THADA: variants seen among roughly 807,000 people sequenced by gnomAD.
The protein encoded by THADA is tRNA (32-2'-O)-methyltransferase regulator THADA.
Under a neutral mutation model 219.8 loss-of-function variants are expected in THADA, and 213 were observed. The observed-to-expected ratio is 0.97, with a 90% CI of 0.87 to 1.09. THADA has a LOEUF of 1.09. Among genes scored for constraint, THADA ranks in the 50% least tolerant of loss-of-function variants. The pLI is 0.00. For missense variants in THADA, 2,956 were observed against 2,311.3 expected, an observed-to-expected ratio of 1.28 and a Z score of -5.72; for synonymous variants, 1,018 against 828.9, an observed-to-expected ratio of 1.23 and a Z score of -3.92.
intron 35 of THADA, among the ~76,000 whole-genome samples, chr2:43,283,507 G>A (rs1045233563): frequency 1.3e-5 from 2 of 152,322 alleles, no homozygotes; most frequent in Admixed American, 1.3e-4. Flanking sequence ...AGTGATATGG[G>A]CAATGAAGTC....
At chr2:43,487,687 C>A (rs192430633) in intron 25 of THADA, among the ~76,000 whole-genome samples, 2 of 152,102 alleles carry the variant, frequency 1.3e-5, no homozygotes. Context: ...CTCACGAATG[C>A]GATTAGTGCC....
chr2:43,563,428 T>A (rs935287078), intron 15 of THADA: 15 of 152,200 alleles, frequency 9.9e-5, no homozygotes, highest in African/African-American at 3.4e-4. Flanking sequence ...GAAATACTTT[T>A]CACAGAACTT....
chr2:43,388,105 T>A (rs930876469), intron 29 of THADA, among the ~76,000 whole-genome samples: 2 of 152,216 alleles, frequency 1.3e-5, no homozygotes, highest in Non-Finnish European at 2.9e-5. Flanking sequence ...TCAAATATGC[T>A]ATCCCAATAA....
intron 36 of THADA, among the ~76,000 whole-genome samples, chr2:43,248,093 G>A (rs968866068): frequency 4.3e-5 from 6 of 139,446 alleles, no homozygotes; most frequent in South Asian, 2.3e-4. Flanking sequence ...GAAAATAAAG[G>A]AGAACTTTAG....
chr2:43,481,995 T>TATTAGTTTA (rs1686290189), intron 26 of THADA, among the ~76,000 whole-genome samples: 1 of 152,188 alleles, frequency 6.6e-6, no homozygotes, highest in Non-Finnish European at 1.5e-5. Context: ...GTTTAGCTCC[T>TATTAGTTTA]GTCCTGTAAG....
intron 36 of THADA, among the ~76,000 whole-genome samples, chr2:43,249,849 T>C (rs1249649776): frequency 6.6e-6 from 1 of 152,194 alleles, no homozygotes; most frequent in Non-Finnish European, 1.5e-5. Flanking sequence ...GTGACCATAC[T>C]CTTTTTTCTT....
At chr2:43,290,627 C>T (rs555968107) in intron 34 of THADA, among the ~76,000 whole-genome samples, 1 of 152,254 alleles carries the variant, frequency 6.6e-6, no homozygotes, top group African/African-American at 2.4e-5. Flanking sequence ...TAGACTATAG[C>T]TCTAGTCTCT....
Position 43,377,387 on chromosome 2 carries a change from A to AT in THADA, c.4227+20583dup, listed in dbSNP as rs145512633. 2.4e-3 allele frequency among the ~76,000 whole-genome samples: 357 copies of AT among 150,124 alleles called. 9 individuals are homozygous for AT. In the East Asian group the frequency reaches 0.042, roughly 18 times the overall value. Reference sequence around the variant, plus strand: ...GTTTCCCCCTCCTCTTTAGACATAGATTTTTTTTTTAAGGAAAAAATGTGT... The same window carrying AT: ...GTTTCCCCCTCCTCTTTAGACATAGATTTTTTTTTTTAAGGAAAAAATGTGT... On this transcript the variant is annotated intron_variant, in intron 29 of 37. Coordinates refer to ENST00000405975, the MANE Select transcript of THADA (RefSeq NM_022065.5).
intron 36 of THADA, among the ~76,000 whole-genome samples, chr2:43,241,730 C>T (rs1183652640): frequency 1.3e-5 from 2 of 152,072 alleles, no homozygotes; most frequent in African/African-American, 4.8e-5. Context: ...GCCACGCCTA[C>T]AGAAGGCGGA....
At chr2:43,297,611 C>T (rs1168043237) in intron 31 of THADA, among the ~76,000 whole-genome samples, 1 of 104,374 alleles carries the variant, frequency 9.6e-6, no homozygotes, top group Non-Finnish European at 1.9e-5. Context: ...GGGTCAGCCC[C>T]CCGCCCGGCC....
intron 26 of THADA, among the ~76,000 whole-genome samples, chr2:43,448,556 CTTTCTTTTTTTTT>C (rs1404776741): frequency 1.1e-3 from 86 of 75,258 alleles, no homozygotes; most frequent in African/African-American, 3.8e-3. Context: ...ACTTTTCTTC[CTTTCTTTTTTTTT>C]TTTTTTTTTT....
intron 29 of THADA, among the ~76,000 whole-genome samples, chr2:43,382,756 G>A (rs966285858): frequency 6.6e-6 from 1 of 152,244 alleles, no homozygotes; most frequent in Admixed American, 6.5e-5. Context: ...TTCACATATA[G>A]GAGCTTTTGA....
chr2:43,509,945 C>A (rs1039361967), intron 22 of THADA, among the ~76,000 whole-genome samples: 3 of 152,100 alleles, frequency 2.0e-5, no homozygotes, highest in African/African-American at 7.2e-5. Context: ...TCCTCAGCCA[C>A]CAAAACCAGC....
intron 31 of THADA, among the ~76,000 whole-genome samples, chr2:43,319,519 G>C (rs13414908): frequency 0.25 from 38,044 of 151,882 alleles, 5,559 homozygotes; most frequent in African/African-American, 0.4. Context: ...CCACCTCCCC[G>C]ACCTCCCTCC....
chr2:43,541,105 G>A, intron 21 of THADA, 54 bp downstream of exon 21: 7 of 1,398,168 alleles, frequency 5.0e-6, no homozygotes, highest in South Asian at 1.8e-5. Context: ...AAAAAAAAAA[G>A]TGATTTATGC....
At chr2:43,243,077 A>C (rs1453463718) in intron 36 of THADA, among the ~76,000 whole-genome samples, 1 of 152,208 alleles carries the variant, frequency 6.6e-6, no homozygotes, top group Admixed American at 6.5e-5. Context: ...GAAAGTTGCG[A>C]AGATTCTAGC....
At chr2:43,362,096 G>C (rs939467709) in intron 29 of THADA, among the ~76,000 whole-genome samples, 2 of 152,156 alleles carry the variant, frequency 1.3e-5, no homozygotes, top group African/African-American at 2.4e-5. Context: ...CCCAAATCAG[G>C]TAACACTGGA....
At chr2:43,559,947 T>G (rs1481138980) in intron 16 of THADA, among the ~76,000 whole-genome samples, 1 of 152,218 alleles carries the variant, frequency 6.6e-6, no homozygotes, top group Admixed American at 6.5e-5. Flanking sequence ...AACTAAAATC[T>G]ACCAATAATC....
intron 25 of THADA, among the ~76,000 whole-genome samples, chr2:43,490,798 A>G (rs749865304): frequency 3.9e-5 from 6 of 152,152 alleles, no homozygotes; most frequent in Non-Finnish European, 7.4e-5. Context: ...TATGTATAGG[A>G]AAAAACAGAA....
Sources: allele counts gnomAD v4.1 joint callset (sites outside exome capture counted in the v4.1 genomes callset), GRCh38; gene constraint gnomAD v4.1.1; transcripts MANE v1.5; gene names NCBI Gene and HGNC (gene_info 2026-07-23, HGNC 2026-07-21).